The following PTPRD variants were observed in gnomAD, a reference collection of about 807,000 sequenced individuals.
The protein encoded by PTPRD is protein tyrosine phosphatase receptor type D.
Under a neutral mutation model 214.5 loss-of-function variants are expected in PTPRD, and 34 were observed. That is an observed-to-expected ratio of 0.16 (90% CI 0.12 to 0.21). PTPRD has a LOEUF of 0.21. Ranked by LOEUF, PTPRD falls within the 10% of genes least tolerant of loss-of-function variation. PTPRD has a pLI of 1.00. For synonymous variants in PTPRD, 1,128 were observed against 845.7 expected (o/e 1.33, Z -5.79); for missense variants, 2,545 against 2,398.7 (o/e 1.06, Z -1.27).
At chr9:10,310,295 T>C (rs952525534) in intron 3 of PTPRD, among the ~76,000 whole-genome samples, 8 of 152,042 alleles carry the variant, frequency 5.3e-5, no homozygotes, top group East Asian at 1.9e-4. Flanking sequence ...TTAATGTACA[T>C]AGCAAAAGAA....
intron 4 of PTPRD, among the ~76,000 whole-genome samples, chr9:10,024,965 A>AT (rs911052971): frequency 6.6e-6 from 1 of 151,524 alleles, no homozygotes; most frequent in African/African-American, 2.4e-5. Flanking sequence ...TGAACTCATC[A>AT]TTTTTTATGG....
At chr9:10,147,807 G>C (rs1186002161) in intron 3 of PTPRD, among the ~76,000 whole-genome samples, 1 of 152,162 alleles carries the variant, frequency 6.6e-6, no homozygotes, top group African/African-American at 2.4e-5. Context: ...TTGAACCCGG[G>C]AGGCGGAGGT....
intron 8 of PTPRD, among the ~76,000 whole-genome samples, chr9:9,477,379 C>G (rs150418260): frequency 7.2e-5 from 11 of 152,250 alleles, no homozygotes; most frequent in African/African-American, 1.7e-4. Context: ...TTCTTACAAA[C>G]TGGGACCATT....
intron 10 of PTPRD, among the ~76,000 whole-genome samples, chr9:9,120,158 G>C (rs552400572): frequency 6.6e-6 from 1 of 152,166 alleles, no homozygotes. Flanking sequence ...AATTCACAGT[G>C]CACATTGGCA....
chr9:9,955,715 G>T (rs897609991), intron 4 of PTPRD, among the ~76,000 whole-genome samples: 2 of 152,056 alleles, frequency 1.3e-5, no homozygotes, highest in Non-Finnish European at 2.9e-5. Context: ...AGTAGAGACA[G>T]GGTTTCACCG....
chr9:9,014,987 T>G (rs2099528488), intron 11 of PTPRD, among the ~76,000 whole-genome samples: 1 of 152,146 alleles, frequency 6.6e-6, no homozygotes, highest in Non-Finnish European at 1.5e-5. Flanking sequence ...TGTGAGTATA[T>G]GTGTGTATAA....
intron 9 of PTPRD, among the ~76,000 whole-genome samples, chr9:9,364,232 T>C (rs2057198187): frequency 6.6e-6 from 1 of 151,402 alleles, no homozygotes; most frequent in Non-Finnish European, 1.5e-5. Flanking sequence ...TATATGCACA[T>C]AAAGTCTGTG....
At chr9:9,607,449 T>C (rs2094236694) in intron 7 of PTPRD, among the ~76,000 whole-genome samples, 1 of 152,228 alleles carries the variant, frequency 6.6e-6, no homozygotes, top group Admixed American at 6.5e-5. Flanking sequence ...ACCTGTGTTC[T>C]ACAAATAAGG....
At chr9:9,738,107 TG>T (rs71500996) in intron 6 of PTPRD, among the ~76,000 whole-genome samples, 1 of 129,158 alleles carries the variant, frequency 7.7e-6, no homozygotes, top group African/African-American at 3.0e-5. Context: ...TGTTGTGAGG[TG>T]GGGGGATGGG....
At chr9:8,748,189 GC>G (rs2093060228) in intron 11 of PTPRD, among the ~76,000 whole-genome samples, 1 of 152,138 alleles carries the variant, frequency 6.6e-6, no homozygotes, top group Non-Finnish European at 1.5e-5. Context: ...CCTGTTGAGA[GC>G]GGGGACTGAG....
At chr9:9,995,013 C>G (rs2096072709) in intron 4 of PTPRD, among the ~76,000 whole-genome samples, 2 of 151,880 alleles carry the variant, frequency 1.3e-5, no homozygotes, top group Admixed American at 1.3e-4. Flanking sequence ...CATATATAAG[C>G]AAAATGAGTT....
chr9:9,556,121 T>C (rs1307389597), intron 8 of PTPRD, among the ~76,000 whole-genome samples: 3 of 152,126 alleles, frequency 2.0e-5, no homozygotes, highest in Admixed American at 6.6e-5. Flanking sequence ...ACATAGTCAA[T>C]TAATACATAT....
chr9:10,222,720 G>A (rs960175077), intron 3 of PTPRD, among the ~76,000 whole-genome samples: 3 of 151,996 alleles, frequency 2.0e-5, no homozygotes, highest in African/African-American at 7.2e-5. Context: ...AAAAGCCATG[G>A]TCAAATGACT....
intron 26 of PTPRD, among the ~76,000 whole-genome samples, 176 bp from the exon 27 acceptor site, chr9:8,493,155 C>T (rs2097185324): frequency 6.6e-6 from 1 of 152,152 alleles, no homozygotes; most frequent in African/African-American, 2.4e-5. Flanking sequence ...ATGCTGATAT[C>T]GAAGGGGCAT....
At chr9:10,023,695 C>A (rs560078273) in intron 4 of PTPRD, among the ~76,000 whole-genome samples, 6 of 150,922 alleles carry the variant, frequency 4.0e-5, no homozygotes, top group African/African-American at 1.5e-4. Flanking sequence ...TAGCCTCAGC[C>A]ATTCAATTAT....
At chr9:10,119,910 C>T (rs186154175) in intron 3 of PTPRD, among the ~76,000 whole-genome samples, 94 of 152,070 alleles carry the variant, frequency 6.2e-4, no homozygotes, top group African/African-American at 2.1e-3. Context: ...AGTTTTCCAA[C>T]GAAGACAGGC....
intron 2 of PTPRD, among the ~76,000 whole-genome samples, chr9:10,565,909 G>C (rs866892485): frequency 2.0e-5 from 3 of 151,550 alleles, no homozygotes; most frequent in East Asian, 1.9e-4. Flanking sequence ...TTTTCTCTAA[G>C]GTTAACCACT....
At chr9:9,086,298 T>C (rs950009850) in intron 10 of PTPRD, among the ~76,000 whole-genome samples, 1 of 152,166 alleles carries the variant, frequency 6.6e-6, no homozygotes, top group African/African-American at 2.4e-5. Context: ...AGTTTTAGTT[T>C]TGATATGGAG....
chr9:9,236,571 C>T (rs2099966862), intron 9 of PTPRD, among the ~76,000 whole-genome samples: 1 of 141,112 alleles, frequency 7.1e-6, no homozygotes, highest in South Asian at 2.4e-4. Context: ...CTAAATCTAG[C>T]TCCATTTCCT....
Sources: gnomAD v4.1 joint callset for allele counts (sites outside exome capture counted in the v4.1 genomes callset) on GRCh38, gnomAD v4.1.1 for gene constraint, MANE v1.5 for transcripts, NCBI Gene and HGNC (gene_info 2026-07-23, HGNC 2026-07-21) for gene names.